POU2F3: variants seen among roughly 807,000 people sequenced by gnomAD.
The protein encoded by POU2F3 is POU class 2 homeobox 3.
In POU2F3, 23 loss-of-function variants were observed where a neutral mutation model predicts 59.2. The observed-to-expected ratio is 0.39, with a 90% CI of 0.28 to 0.55. The LOEUF is 0.55. POU2F3 is among the 20% of genes least tolerant of loss of function. POU2F3 has a pLI of 0.66. For missense variants in POU2F3, 473 were observed against 544.5 expected, an observed-to-expected ratio of 0.87 and a Z score of 1.31; for synonymous variants, 190 against 214.6, an observed-to-expected ratio of 0.89 and a Z score of 1.00.
At chr11:120,312,427 G>T (rs543550947) in intron 10 of POU2F3, among the ~76,000 whole-genome samples, 1 of 152,100 alleles carries the variant, frequency 6.6e-6, no homozygotes, top group South Asian at 2.1e-4. Flanking sequence ...CCAGCCCAAA[G>T]GCATGGAATT....
intron 2 of POU2F3, among the ~76,000 whole-genome samples, chr11:120,255,414 G>T (rs1429086650): frequency 1.3e-5 from 2 of 152,130 alleles, no homozygotes; most frequent in Non-Finnish European, 2.9e-5. Flanking sequence ...TTGCTATGAC[G>T]ATGGGGTCTC....
chr11:120,287,925 C>T (rs945086298), intron 3 of POU2F3, among the ~76,000 whole-genome samples: 1 of 151,660 alleles, frequency 6.6e-6, no homozygotes, highest in African/African-American at 2.4e-5. Flanking sequence ...TAGGGATGGT[C>T]TACTGAGCTT....
At chr11:120,271,554 C>T (rs1351858321) in intron 3 of POU2F3, among the ~76,000 whole-genome samples, 1 of 152,230 alleles carries the variant, frequency 6.6e-6, no homozygotes, top group Non-Finnish European at 1.5e-5. Flanking sequence ...CGGGGAGGAG[C>T]CTCTTCCATA....
chr11:120,246,370 G>C, intron 1 of POU2F3, 79 bp from the exon 2 acceptor site: 1 of 1,363,694 alleles, frequency 7.3e-7, no homozygotes, highest in Non-Finnish European at 1.0e-6. Context: ...ATTCATCTTT[G>C]TTATTTAGTT....
chr11:120,271,896 A>AG (rs1272085767), intron 3 of POU2F3, among the ~76,000 whole-genome samples: 1 of 152,092 alleles, frequency 6.6e-6, no homozygotes, highest in Non-Finnish European at 1.5e-5. Flanking sequence ...TCCTTTAAAG[A>AG]GGGTGGAGGG....
At position 120,305,710 on chromosome 11, in the gene POU2F3, T is replaced by C; in HGVS notation, c.694T>C (p.Phe232Leu). 2 of 1,614,010 alleles carry C rather than the reference T, an allele frequency of 1.2e-6. No homozygotes were observed. Among genetic ancestry groups the C allele is most frequent in the Non-Finnish European group, 1.7e-6 (2 of 1,180,042 alleles). ...NDFSQTTISR[F>L]EALNLSFKNM... is the part of the protein sequence containing the mutation. ...CTTCAGCCAGACCACCATCTCACGA[T>C]TTGAGGCCCTCAACCTGAGCTTCAA... is the stretch of plus-strand genomic sequence containing the variant. Residue 232 changes from phenylalanine (F) to leucine (L), a missense_variant, in exon 8 of 13, where the codon TTT becomes CTT. Physicochemically the swap from Phe to Leu is conservative, Grantham distance 22 (BLOSUM62 0). Coordinates refer to ENST00000543440, the MANE Select transcript of POU2F3 (RefSeq NM_014352.4).
At chr11:120,272,096 C>T (rs559740716) in intron 3 of POU2F3, among the ~76,000 whole-genome samples, 1 of 152,252 alleles carries the variant, frequency 6.6e-6, no homozygotes, top group East Asian at 1.9e-4. Flanking sequence ...ACTTGCTAAC[C>T]GCCAGGCTCG....
At chr11:120,258,747 A>G (rs1939466399) in intron 2 of POU2F3, among the ~76,000 whole-genome samples, 1 of 152,118 alleles carries the variant, frequency 6.6e-6, no homozygotes, top group African/African-American at 2.4e-5. Context: ...GTGCCTGGAC[A>G]CTTTTTTCTG....
intron 2 of POU2F3, among the ~76,000 whole-genome samples, chr11:120,260,058 T>A (rs1352288301): frequency 6.6e-6 from 1 of 152,232 alleles, no homozygotes; most frequent in Non-Finnish European, 1.5e-5. Context: ...CTAGAAGTCT[T>A]ACTGGGTTAT....
intron 2 of POU2F3, chr11:120,253,536 G>C (rs1939208365): frequency 6.6e-6 from 1 of 152,318 alleles, no homozygotes; most frequent in African/African-American, 2.4e-5. Context: ...TAGGATTACA[G>C]GTATGAGCCA....
At chr11:120,269,559 T>A (rs1290481222) in intron 3 of POU2F3, among the ~76,000 whole-genome samples, 1 of 152,176 alleles carries the variant, frequency 6.6e-6, no homozygotes, top group Non-Finnish European at 1.5e-5. Flanking sequence ...AGTTGCCTCT[T>A]GGGTGGGTGT....
At chr11:120,246,596 T>C (rs1354777641) in intron 2 of POU2F3, 79 bp downstream of exon 2, 2 of 1,502,464 alleles carry the variant, frequency 1.3e-6, no homozygotes, top group African/African-American at 1.4e-5. Context: ...CTGGTGTCTC[T>C]TCTTGCTTGG....
rs1030133199 is a variant in POU2F3 at position 120,297,859 on chromosome 11, C to T, written c.133-406C>T. On this transcript the variant is annotated intron_variant, in intron 3 of 12. Transcript: ENST00000543440. ...GATCATAGCTCACTGCAGCCTCAAA[C>T]TCCTGGGCTCAAATGATCCTCCTAT... is the stretch of plus-strand genomic sequence containing the variant. 3.3e-5 allele frequency among the ~76,000 whole-genome samples: 5 copies of T among 151,968 alleles called. No individual in the cohort carries two copies. In the South Asian group the frequency reaches 6.2e-4, roughly 19 times the overall value.
At chr11:120,307,735 C>A in intron 9 of POU2F3, 120 bp downstream of exon 9, 2 of 1,324,492 alleles carry the variant, frequency 1.5e-6, no homozygotes, top group Non-Finnish European at 2.1e-6. Context: ...GGGACACGAT[C>A]AGAAAACACA....
chr11:120,274,038 GAGAGAGAAAGGAAAGAAAGAA>G (rs1940195855), intron 3 of POU2F3, among the ~76,000 whole-genome samples: 3 of 148,224 alleles, frequency 2.0e-5, no homozygotes, highest in Non-Finnish European at 4.5e-5. Flanking sequence ...AAAAAAGAGA[GAGAGAGAAAGGAAAGAAAGAA>G]AGAGAGAAAG....
chr11:120,309,593 G>A lies in POU2F3; in HGVS notation c.1068+7G>A, dbSNP rs1366890240. 8.7e-6 allele frequency: 14 copies of A among 1,611,408 alleles called. No individual in the cohort carries two copies. The highest frequency in any genetic ancestry group is 1.2e-5 in the Non-Finnish European group (14 of 1,177,698). On this transcript the variant is annotated splice_region_variant and intron_variant, in intron 10 of 12. Transcript: ENST00000543440. ...TGTCTACAACTCCCGGCTGGTGAGT[G>A]GCCAGGAACCAAGCTGTCTGCCAAG...
chr11:120,269,810 CAGA>C (rs1009997835), intron 3 of POU2F3, among the ~76,000 whole-genome samples: 23 of 152,004 alleles, frequency 1.5e-4, no homozygotes, highest in Admixed American at 7.9e-4. Context: ...GGGCTTTGGG[CAGA>C]AGAAGGTGGT....
chr11:120,307,710 C>T, intron 9 of POU2F3, 95 bp downstream of exon 9: 4 of 1,476,592 alleles, frequency 2.7e-6, no homozygotes, highest in Non-Finnish European at 3.7e-6. Flanking sequence ...CCCCTCCGCA[C>T]CTCACACCTG....
chr11:120,299,699 C>A lies in POU2F3; in HGVS notation c.334C>A (p.Leu112Ile). ...CTTACAGTCTGTATCCCAGTTCCTG[C>A]TATCTCAGACCCAGCCTGGGCAGCA... ...GHLQSVSQFL[L>I]SQTQPGQQGL... The change falls in exon 5 of 13, where the codon CTA becomes ATA. Residue 112 changes from leucine to isoleucine, a missense_variant. Transcript: ENST00000543440. The A allele has an allele frequency of 6.2e-7, 1 of 1,613,412 alleles. No homozygotes were observed. Among genetic ancestry groups the A allele is most frequent in the Non-Finnish European group, 8.5e-7 (1 of 1,179,960 alleles).
Sources: allele counts gnomAD v4.1 joint callset (sites outside exome capture counted in the v4.1 genomes callset), GRCh38; gene constraint gnomAD v4.1.1; transcripts MANE v1.5; gene names NCBI Gene and HGNC (gene_info 2026-07-23, HGNC 2026-07-21).